Variants in TDRD9 observed in about 807,000 individuals in gnomAD.
TDRD9 encodes ATP-dependent RNA helicase TDRD9.
TDRD9 carries 124 observed loss-of-function variants against 172.6 expected under a neutral mutation model. That is an observed-to-expected ratio of 0.72 (90% CI 0.62 to 0.83). The LOEUF (loss-of-function observed/expected upper bound fraction) is 0.83. Among genes scored for constraint, TDRD9 ranks in the 40% least tolerant of loss-of-function variants. The pLI is 0.00. For missense variants in TDRD9, 1,479 were observed against 1,714.1 expected (o/e 0.86, Z 2.42); for synonymous variants, 619 against 617.1 (o/e 1.00, Z -0.05).
chr14:103,993,740 C>A (rs1178385289), intron 9 of TDRD9, among the ~76,000 whole-genome samples: 1 of 152,194 alleles, frequency 6.6e-6, no homozygotes, highest in Non-Finnish European at 1.5e-5. Context: ...CACCCCATTC[C>A]AGTATAACTT....
chr14:103,928,699 G>A lies in TDRD9; in HGVS notation c.190G>A (p.Ala64Thr). The A allele has an allele frequency of 4.2e-6, 5 of 1,189,830 alleles. No homozygotes were observed. Among genetic ancestry groups the A allele is most frequent in the Non-Finnish European group, 5.2e-6 (5 of 952,796 alleles). 73.7% of individuals were successfully genotyped at this position (1,189,830 alleles called of 1,614,324 possible). A position where few individuals can be genotyped will look rare whatever the true frequency, so the allele number is the denominator to read the frequency against. ...AQAPALAQAP[A>T]RPAAAFERSL... ...GGCTCCGGCTCTGGCCCAAGCTCCG[G>A]CCCGGCCGGCCGCTGCGTTCGAAAG... The change falls in exon 1 of 36, where the codon GCC becomes ACC. Residue 64 changes from alanine (A) to threonine (T), a missense_variant. Coordinates refer to ENST00000409874, the MANE Select transcript of TDRD9 (RefSeq NM_153046.3).
intron 7 of TDRD9, among the ~76,000 whole-genome samples, chr14:103,975,806 T>A (rs2033213060): frequency 6.6e-6 from 1 of 152,232 alleles, no homozygotes; most frequent in Admixed American, 6.5e-5. Flanking sequence ...TTAACATTTA[T>A]CTTTGTGGTG....
Position 103,963,062 on chromosome 14 carries a change from GT to G in TDRD9, c.323-13del, listed in dbSNP as rs747929260. The G allele has an allele frequency of 6.8e-7, 1 of 1,469,276 alleles. No individual in the cohort carries two copies. Among genetic ancestry groups the G allele is most frequent in the Admixed American group, 2.2e-5 (1 of 44,872 alleles). 91.0% of individuals were successfully genotyped at this position (1,469,276 alleles called of 1,614,324 possible). On this transcript the variant is annotated splice_polypyrimidine_tract_variant and intron_variant, in intron 2 of 35. Coordinates refer to ENST00000409874, the MANE Select transcript of TDRD9 (RefSeq NM_153046.3). Reference sequence around the variant, plus strand: ...ATAAGAAATGGCATTGTATTTGTTTGTTTTGCCTTAATCCAGGTCCAAGGCC... The same window carrying G: ...ATAAGAAATGGCATTGTATTTGTTTGTTTGCCTTAATCCAGGTCCAAGGCC...
At chr14:103,931,785 G>T (rs1231745837) in intron 1 of TDRD9, among the ~76,000 whole-genome samples, 1 of 152,152 alleles carries the variant, frequency 6.6e-6, no homozygotes, top group Non-Finnish European at 1.5e-5. Flanking sequence ...GTCTGAGTGG[G>T]CCCAGTCTGA....
intron 2 of TDRD9, among the ~76,000 whole-genome samples, chr14:103,962,261 G>A (rs970323057): frequency 6.6e-6 from 1 of 151,800 alleles, no homozygotes; most frequent in Non-Finnish European, 1.5e-5. Flanking sequence ...TTAGTAGCAG[G>A]GAATGCACAC....
intron 2 of TDRD9, among the ~76,000 whole-genome samples, chr14:103,957,800 C>T (rs1001932418): frequency 2.9e-4 from 44 of 152,310 alleles, no homozygotes; most frequent in African/African-American, 9.6e-4. Flanking sequence ...GCACACCCTG[C>T]GTGCTGGGCC....
chr14:103,929,093 G>T (rs965693758), intron 1 of TDRD9, among the ~76,000 whole-genome samples: 1 of 151,996 alleles, frequency 6.6e-6, no homozygotes, highest in Non-Finnish European at 1.5e-5. Context: ...GACAGTCGGC[G>T]AACCTGCATC....
intron 3 of TDRD9, among the ~76,000 whole-genome samples, chr14:103,964,019 A>G (rs754523733): frequency 3.9e-5 from 6 of 152,148 alleles, no homozygotes; most frequent in Admixed American, 6.6e-5. Flanking sequence ...AGGTGGGAGG[A>G]TCACTTGAGG....
intron 33 of TDRD9, 79 bp downstream of exon 33, chr14:104,040,413 G>A: frequency 7.3e-7 from 1 of 1,363,378 alleles, no homozygotes; most frequent in Non-Finnish European, 9.6e-7. Context: ...TGCAGGGTCT[G>A]CTGTGGAGCT....
chr14:103,992,924 C>CAAAAAAAAAA (rs35212615), intron 9 of TDRD9, among the ~76,000 whole-genome samples: 1 of 58,866 alleles, frequency 1.7e-5, no homozygotes, highest in Admixed American at 2.2e-4. Flanking sequence ...GACTCCATCT[C>CAAAAAAAAAA]AAAAAAAAAA....
At chr14:103,991,506 C>T (rs368090539) in intron 9 of TDRD9, among the ~76,000 whole-genome samples, 52 of 151,162 alleles carry the variant, frequency 3.4e-4, no homozygotes, top group African/African-American at 1.2e-3. Flanking sequence ...TCTGCCTCCC[C>T]GGTTCCAGTG....
chr14:103,975,700 AG>A, intron 7 of TDRD9, 147 bp downstream of exon 7: 1 of 821,086 alleles, frequency 1.2e-6, no homozygotes, highest in Non-Finnish European at 1.8e-6. Flanking sequence ...TATGGAGTAT[AG>A]TGTGGTATTT....
At chr14:104,008,302 A>C (rs1311443701) in intron 19 of TDRD9, 111 bp from the exon 20 acceptor site, 1 of 679,468 alleles carries the variant, frequency 1.5e-6, no homozygotes, top group Non-Finnish European at 2.6e-6. Flanking sequence ...TGAGTAGCTC[A>C]GTAATTTACA....
intron 2 of TDRD9, among the ~76,000 whole-genome samples, chr14:103,957,786 C>T (rs1375151339): frequency 1.3e-5 from 2 of 152,160 alleles, no homozygotes; most frequent in East Asian, 1.9e-4. Context: ...CAGGCAGCAG[C>T]CCGGCACACC....
In TDRD9 at chr14:104,018,078, G is replaced by A. The variant is rs1189682762; in HGVS notation, c.2332-14G>A. ...CTCTAGTAATCTGCTCTGATTTTGT[G>A]TTATATTTTACAGTTGAAACACATT... On this transcript the variant is annotated splice_polypyrimidine_tract_variant and intron_variant, in intron 22 of 35. Coordinates refer to ENST00000409874, the MANE Select transcript of TDRD9 (RefSeq NM_153046.3). 16 of 1,489,480 alleles carry A rather than the reference G, an allele frequency of 1.1e-5. No homozygotes were observed. Among genetic ancestry groups the A allele is most frequent in the Non-Finnish European group, 1.1e-5 (12 of 1,074,272 alleles). 92.3% of individuals were successfully genotyped at this position (1,489,480 alleles called of 1,614,324 possible).
At chr14:103,941,565 A>C in intron 1 of TDRD9, 1 of 1,535,170 alleles carries the variant, frequency 6.5e-7, no homozygotes, top group South Asian at 1.2e-5. Context: ...TTCTTGTATT[A>C]ATCTCTCTCG....
At chr14:104,034,809 G>T in intron 31 of TDRD9, 151 bp from the exon 32 acceptor site, 1 of 596,454 alleles carries the variant, frequency 1.7e-6, no homozygotes. Flanking sequence ...AGAACAGGGA[G>T]TGTGCGTTAC....
At chr14:103,971,014 A>C (rs939897200) in intron 6 of TDRD9, among the ~76,000 whole-genome samples, 3 of 151,146 alleles carry the variant, frequency 2.0e-5, no homozygotes, top group South Asian at 2.1e-4. Flanking sequence ...GACGGAGTCT[A>C]GCTCTGTCGC....
At chr14:103,939,677 GTTT>G (rs71126088) in intron 1 of TDRD9, 16 of 68,716 alleles carry the variant, frequency 2.3e-4, no homozygotes, top group African/African-American at 7.3e-4. Context: ...AGTTAGGAGG[GTTT>G]TTTTTTTTTT....
Sources: allele counts gnomAD v4.1 joint callset (sites outside exome capture counted in the v4.1 genomes callset), GRCh38; gene constraint gnomAD v4.1.1; transcripts MANE v1.5; gene names NCBI Gene and HGNC (gene_info 2026-07-23, HGNC 2026-07-21).